CMIP: variants seen among roughly 807,000 people sequenced by gnomAD.
The protein encoded by CMIP is C-Maf-inducing protein.
In CMIP, 13 loss-of-function variants were observed where a neutral mutation model predicts 97.3. The ratio of observed to expected loss-of-function variants is 0.13; its 90% confidence interval spans 0.09 to 0.21. The LOEUF (loss-of-function observed/expected upper bound fraction) is 0.21, where lower values mean the gene tolerates loss of function less well. CMIP is among the 10% of genes least tolerant of loss of function. The pLI is 1.00. For missense variants in CMIP, 847 were observed against 1,024.9 expected (o/e 0.83, Z 2.37); for synonymous variants, 538 against 436.3 (o/e 1.23, Z -2.91).
intron 1 of CMIP, among the ~76,000 whole-genome samples, chr16:81,527,365 AC>A (rs1479053952): frequency 1.3e-5 from 2 of 151,634 alleles, no homozygotes; most frequent in African/African-American, 4.9e-5. Flanking sequence ...ATAGCTAGAT[AC>A]CAGAAAAAAA....
intron 1 of CMIP, among the ~76,000 whole-genome samples, chr16:81,509,442 T>C (rs941777291): frequency 1.3e-5 from 2 of 152,172 alleles, no homozygotes; most frequent in African/African-American, 4.8e-5. Context: ...GGGTTTGACA[T>C]TGGGGCTGCC....
At position 81,647,447 on chromosome 16, in the gene CMIP, A is replaced by G. The variant is rs573525594; in HGVS notation, c.478-4756A>G. On this transcript the variant is annotated intron_variant, in intron 3 of 20. Coordinates refer to ENST00000537098, the MANE Select transcript of CMIP (RefSeq NM_198390.3). Reference sequence around the variant, plus strand: ...AGGGGGCTGGGTTTCACCGCATGCTATAGTTCACCAACCCTGCTCTAAGTC... The same window carrying G: ...AGGGGGCTGGGTTTCACCGCATGCTGTAGTTCACCAACCCTGCTCTAAGTC... 2.1e-4 allele frequency among the ~76,000 whole-genome samples: 32 copies of G among 152,256 alleles called. No individual in the cohort carries two copies. In the South Asian group the frequency reaches 4.1e-3, roughly 20 times the overall value.
At chr16:81,610,554 C>G (rs565140211) in intron 2 of CMIP, 2 of 985,058 alleles carry the variant, frequency 2.0e-6, no homozygotes. Flanking sequence ...GGTGCAGCCC[C>G]TGCCCCTGGC....
chr16:81,649,702 A>G (rs1319001041), intron 3 of CMIP, among the ~76,000 whole-genome samples: 2 of 152,242 alleles, frequency 1.3e-5, no homozygotes, highest in South Asian at 2.1e-4. Flanking sequence ...TCAAAAGTAA[A>G]TAATGTGCAG....
chr16:81,698,306 C>G (rs191525110), intron 14 of CMIP, among the ~76,000 whole-genome samples: 1 of 152,330 alleles, frequency 6.6e-6, no homozygotes, highest in East Asian at 1.9e-4. Flanking sequence ...GACCGGGGAC[C>G]CCTGCCCTTG....
intron 1 of CMIP, among the ~76,000 whole-genome samples, chr16:81,472,837 G>T (rs1907640643): frequency 6.6e-6 from 1 of 152,180 alleles, no homozygotes; most frequent in Admixed American, 6.5e-5. Flanking sequence ...ACATCCAGGG[G>T]CACATCGTGG....
At chr16:81,467,469 A>C (rs948446238) in intron 1 of CMIP, among the ~76,000 whole-genome samples, 1 of 152,150 alleles carries the variant, frequency 6.6e-6, no homozygotes, top group Non-Finnish European at 1.5e-5. Flanking sequence ...TGAATGCGCC[A>C]CCCTCAAAAA....
intron 19 of CMIP, 88 bp downstream of exon 19, chr16:81,705,692 G>A: frequency 2.5e-6 from 2 of 785,936 alleles, no homozygotes; most frequent in East Asian, 2.7e-5. Flanking sequence ...CACTGACTTT[G>A]CACCATGCAC....
At chr16:81,454,296 C>G (rs535763614) in intron 1 of CMIP, among the ~76,000 whole-genome samples, 1 of 152,260 alleles carries the variant, frequency 6.6e-6, no homozygotes, top group East Asian at 1.9e-4. Context: ...TACAGATGCT[C>G]TAATGGAGTC....
chr16:81,593,654 C>T (rs887072550), intron 1 of CMIP, among the ~76,000 whole-genome samples: 6 of 152,246 alleles, frequency 3.9e-5, no homozygotes, highest in East Asian at 1.9e-4. Flanking sequence ...ATTGAGTGCC[C>T]GCCGACCACC....
intron 7 of CMIP, among the ~76,000 whole-genome samples, 169 bp from the exon 8 acceptor site, chr16:81,669,973 G>A (rs2092666103): frequency 6.6e-6 from 1 of 152,208 alleles, no homozygotes; most frequent in Non-Finnish European, 1.5e-5. Context: ...GCTATTCTTT[G>A]AAGTAGACGC....
intron 8 of CMIP, among the ~76,000 whole-genome samples, chr16:81,671,685 G>C (rs1360022254): frequency 2.6e-5 from 4 of 152,222 alleles, no homozygotes; most frequent in Admixed American, 1.3e-4. Flanking sequence ...ACAGGGTGGA[G>C]AGTTTAGGAG....
intron 1 of CMIP, among the ~76,000 whole-genome samples, chr16:81,524,797 CT>C (rs35008790): frequency 1.7e-3 from 249 of 144,540 alleles, no homozygotes; most frequent in Middle Eastern, 3.6e-3. Context: ...TCTTTTCTTT[CT>C]TTTTTTTTTT....
Position 81,550,237 on chromosome 16 carries a change from C to G in CMIP, c.301-57330C>G, listed in dbSNP as rs148102435. Among the ~76,000 whole-genome samples the G allele has an allele frequency of 1.7e-3, 259 of 152,326 alleles. 1 individual carries two copies. The highest frequency in any genetic ancestry group is 6.0e-3 in the African/African-American group (249 of 41,574). Reference sequence around the variant, plus strand: ...CAGTTACTCATTGCATGATCTGAGGCTGGTCATGCAAGCTCTCTGAGCCTC... The same window carrying G: ...CAGTTACTCATTGCATGATCTGAGGGTGGTCATGCAAGCTCTCTGAGCCTC... On this transcript the variant is annotated intron_variant, in intron 1 of 20. Transcript: ENST00000537098.
chr16:81,615,304 C>CTGTA (rs139398801), intron 2 of CMIP, among the ~76,000 whole-genome samples: 137,983 of 147,256 alleles, frequency 0.94, 64,402 homozygotes, highest in Non-Finnish European at 0.98. Context: ...GCATGTGTAA[C>CTGTA]TGGTGTGTGT....
chr16:81,447,950 G>C (rs1486038306), intron 1 of CMIP, among the ~76,000 whole-genome samples: 2 of 152,240 alleles, frequency 1.3e-5, no homozygotes, highest in Non-Finnish European at 2.9e-5. Flanking sequence ...CGGAGCCCCT[G>C]TGGGGTTTCC....
intron 3 of CMIP, among the ~76,000 whole-genome samples, chr16:81,626,312 G>T (rs2092061990): frequency 6.6e-6 from 1 of 151,086 alleles, no homozygotes; most frequent in Admixed American, 6.6e-5. Context: ...TATTTTATGA[G>T]TGTGGTGAGG....
At chr16:81,555,630 C>T (rs576012682) in intron 1 of CMIP, among the ~76,000 whole-genome samples, 26 of 152,328 alleles carry the variant, frequency 1.7e-4, no homozygotes, top group African/African-American at 6.3e-4. Flanking sequence ...TTTCCCTAGG[C>T]GGCCTGGCAG....
chr16:81,455,487 C>T lies in CMIP; in HGVS notation c.300+9946C>T, dbSNP rs139369550. On this transcript the variant is annotated intron_variant, in intron 1 of 20. Transcript: ENST00000537098. ...GAGAGGGAGGCGCAAGCCCAGATCT[C>T]TACCCCTCCACTTCCTTGTAACCCC... 2.8e-3 allele frequency among the ~76,000 whole-genome samples: 432 copies of T among 152,368 alleles called. 1 individual carries two copies. The highest frequency in any genetic ancestry group is 9.7e-3 in the African/African-American group (405 of 41,590).
Sources: allele counts gnomAD v4.1 joint callset (sites outside exome capture counted in the v4.1 genomes callset), GRCh38; gene constraint gnomAD v4.1.1; transcripts MANE v1.5; gene names NCBI Gene and HGNC (gene_info 2026-07-23, HGNC 2026-07-21).